ANK2: variants seen among roughly 807,000 people sequenced by gnomAD.
ANK2 encodes the protein ankyrin 2.
In ANK2, 83 loss-of-function variants were observed where a neutral mutation model predicts 360.5. The observed-to-expected ratio is 0.23, with a 90% CI of 0.19 to 0.28. The LOEUF (loss-of-function observed/expected upper bound fraction) is 0.28, where lower values mean the gene tolerates loss of function less well. ANK2 is among the 10% of genes least tolerant of loss of function. The probability of loss-of-function intolerance (pLI) is 1.00; values close to 1 mark genes in which losing one functional copy is unlikely to be tolerated. For missense variants in ANK2, 4,201 were observed against 4,795.7 expected, an observed-to-expected ratio of 0.88 and a Z score of 3.66; for synonymous variants, 1,740 against 1,759.5, an observed-to-expected ratio of 0.99 and a Z score of 0.28.
At chr4:113,363,253 A>T in intron 39 of ANK2, 85 bp from the exon 40 acceptor site, 1 of 1,359,208 alleles carries the variant, frequency 7.4e-7, no homozygotes, top group Non-Finnish European at 1.0e-6. Flanking sequence ...TATAAAGAAC[A>T]CATCATTTAC....
At chr4:113,363,225 C>G in intron 39 of ANK2, 113 bp from the exon 40 acceptor site, 1 of 1,068,406 alleles carries the variant, frequency 9.4e-7, no homozygotes, top group East Asian at 2.6e-5. Flanking sequence ...AATTAAGGAA[C>G]TCAAATACTC....
At chr4:112,854,466 A>G (rs2065834088) in intron 1 of ANK2, among the ~76,000 whole-genome samples, 1 of 152,166 alleles carries the variant, frequency 6.6e-6, no homozygotes, top group Admixed American at 6.5e-5. Context: ...TGTTTTAGGG[A>G]TATCACTTTG....
chr4:112,793,709 T>TC, the ANK2 span, among the ~76,000 whole-genome samples: 2 of 148,320 alleles, frequency 1.3e-5, no homozygotes, highest in Non-Finnish European at 3.0e-5. Context: ...TTCTTTTCTT[T>TC]TTTTTTTTTT....
chr4:112,749,057 G>A, the ANK2 span, among the ~76,000 whole-genome samples: 65 of 152,166 alleles, frequency 4.3e-4, no homozygotes, highest in African/African-American at 1.5e-3. Flanking sequence ...GTGCCACCAC[G>A]CCCATCTGAT....
At chr4:113,100,942 A>G (rs967404050) in intron 1 of ANK2, among the ~76,000 whole-genome samples, 1 of 152,142 alleles carries the variant, frequency 6.6e-6, no homozygotes, top group African/African-American at 2.4e-5. Flanking sequence ...GAGATAGTAA[A>G]AACATCAGTG....
intron 1 of ANK2, among the ~76,000 whole-genome samples, chr4:112,852,946 T>G (rs1449548086): frequency 6.6e-6 from 1 of 152,210 alleles, no homozygotes; most frequent in Non-Finnish European, 1.5e-5. Flanking sequence ...GGACCTTCCT[T>G]GTTGGAAATT....
intron 1 of ANK2, among the ~76,000 whole-genome samples, chr4:113,096,563 C>T (rs1178908035): frequency 1.3e-5 from 2 of 152,090 alleles, no homozygotes; most frequent in East Asian, 3.9e-4. Flanking sequence ...ATCTTTAAGG[C>T]CACTTCCAAA....
chr4:112,841,981 T>C (rs1050788465), intron 1 of ANK2, among the ~76,000 whole-genome samples: 2 of 152,184 alleles, frequency 1.3e-5, no homozygotes, highest in Non-Finnish European at 2.9e-5. Context: ...AAGAGGTGAA[T>C]GATCTTCACC....
In ANK2 at chr4:113,174,453, C is replaced by G; in HGVS notation, c.122C>G (p.Ala41Gly). The G allele has an allele frequency of 6.2e-7, 1 of 1,613,280 alleles. No homozygotes were observed. The highest frequency in any genetic ancestry group is 8.5e-7 in the Non-Finnish European group (1 of 1,179,494). Residue 41 changes from alanine (A) to glycine (G), a missense_variant, in exon 2 of 46, where the codon GCA (alanine) becomes GGA (glycine). Ala to Gly is a moderately conservative substitution (Grantham distance 60, BLOSUM62 0). This residue lies in a region of ANK2 where 169 missense variants were observed against 191.1 expected (regional missense o/e 0.88). Coordinates refer to ENST00000357077, the MANE Select transcript of ANK2 (RefSeq NM_001148.6). The part of the protein sequence containing the change: ...SNASFLRAAR[A>G]GNLDKVVEYL... The stretch of plus-strand genomic sequence containing the variant: ...GCAAGCTTCCTCCGTGCTGCCAGAG[C>G]AGGCAACCTGGACAAAGTTGTGGAA...
At chr4:113,084,859 C>A (rs2083888677) in intron 1 of ANK2, among the ~76,000 whole-genome samples, 1 of 152,106 alleles carries the variant, frequency 6.6e-6, no homozygotes, top group African/African-American at 2.4e-5. Flanking sequence ...CTTCCAAGTC[C>A]TTATGCCATT....
At chr4:112,762,182 G>C in the ANK2 span, among the ~76,000 whole-genome samples, 2 of 151,876 alleles carry the variant, frequency 1.3e-5, no homozygotes, top group African/African-American at 4.8e-5. Flanking sequence ...GAACTCAAAG[G>C]GCTATTTATT....
intron 33 of ANK2, among the ~76,000 whole-genome samples, chr4:113,342,635 G>A (rs1292932653): frequency 2.6e-5 from 4 of 152,006 alleles, no homozygotes; most frequent in African/African-American, 9.7e-5. Context: ...GGGAGGCGGA[G>A]GTTGCAGTGA....
rs752459247 is a variant in ANK2, at chr4:113,293,494, G to C, written c.2431G>C (p.Asp811His). The C allele has an allele frequency of 6.2e-7, 1 of 1,613,546 alleles. No individual in the cohort carries two copies. The highest frequency in any genetic ancestry group is 8.5e-7 in the Non-Finnish European group (1 of 1,179,982). The part of the protein sequence containing the change: ...AKRLGYISVV[D>H]TLKVVTEEVT... ...GCGTCTGGGCTACATCTCCGTGGTC[G>C]ACACCCTGAAGGTTGTGACTGAGGA... Residue 811 changes from aspartate (D) to histidine (H), a missense_variant, in exon 22 of 46, where the codon GAC becomes CAC. Physicochemically the swap from Asp to His is moderately conservative, Grantham distance 81 (BLOSUM62 -1). Transcript: ENST00000357077.
rs527344116 is a variant in ANK2 at position 112,998,412 on chromosome 4, C to G, written c.21+93898C>G. ...CTCTGCCTTTTCATTCAACCTCAGT[C>G]ACATACTAGCATCCATCATAATGCA... On this transcript the variant is annotated intron_variant, in intron 2 of 30. Coordinates refer to the ANK2 transcript ENST00000503271. Among the ~76,000 whole-genome samples the G allele has an allele frequency of 2.6e-5, 4 of 152,262 alleles. No individual in the cohort carries two copies. The South Asian group carries it at 8.3e-4, about 32-fold the overall frequency.
intron 1 of ANK2, chr4:112,882,064 C>A: frequency 2.6e-6 from 1 of 378,338 alleles, no homozygotes; most frequent in Non-Finnish European, 4.9e-6. Flanking sequence ...GCTCCTCAGG[C>A]TCTCATCGGT....
rs561119934 is a variant in ANK2, at chr4:113,161,630, C to T, written c.85-12786C>T. 1.4e-4 allele frequency among the ~76,000 whole-genome samples: 21 copies of T among 151,926 alleles called. No individual in the cohort carries two copies. The South Asian group carries it at 4.4e-3, about 32-fold the overall frequency. On this transcript the variant is annotated intron_variant, in intron 1 of 45. Transcript: ENST00000357077. The stretch of plus-strand genomic sequence containing the variant: ...TCTTATGGGAAAAATAAGAAAATGT[C>T]AGCTGCATGATATTAGTATTCTGAG...
intron 2 of ANK2, among the ~76,000 whole-genome samples, chr4:112,996,508 C>A (rs1001143384): frequency 6.6e-6 from 1 of 152,126 alleles, no homozygotes; most frequent in Non-Finnish European, 1.5e-5. Flanking sequence ...ATAGGAACAG[C>A]ACCTTTTATT....
chr4:113,213,225 C>T (rs1386496245), intron 4 of ANK2, among the ~76,000 whole-genome samples: 1 of 152,112 alleles, frequency 6.6e-6, no homozygotes, highest in African/African-American at 2.4e-5. Context: ...TATCACAAAC[C>T]TAAAATGTAT....
At chr4:112,773,143 C>A in the ANK2 span, among the ~76,000 whole-genome samples, 1 of 152,170 alleles carries the variant, frequency 6.6e-6, no homozygotes, top group African/African-American at 2.4e-5. Flanking sequence ...CATGGCAAAA[C>A]CCCATCTCTA....
Sources: allele counts gnomAD v4.1 joint callset (sites outside exome capture counted in the v4.1 genomes callset), GRCh38; gene constraint gnomAD v4.1.1; regional missense constraint gnomAD v4.1.1; transcripts MANE v1.5; gene names NCBI Gene and HGNC (gene_info 2026-07-23, HGNC 2026-07-21).